The following CBLL1 variants were observed in gnomAD, a reference collection of about 807,000 sequenced individuals.
CBLL1 encodes E3 ubiquitin-protein ligase Hakai.
A neutral mutation model predicts 44.9 loss-of-function variants in CBLL1; 4 were observed. The observed-to-expected ratio is 0.09, with a 90% CI of 0.04 to 0.20. CBLL1 has a LOEUF of 0.20. Ranked by LOEUF, CBLL1 falls within the 10% of genes least tolerant of loss-of-function variation. CBLL1 has a pLI of 1.00. For missense variants in CBLL1, 569 were observed against 636.7 expected, an observed-to-expected ratio of 0.89 and a Z score of 1.14; for synonymous variants, 235 against 202.2, an observed-to-expected ratio of 1.16 and a Z score of -1.38.
chr7:107,758,222 A>G lies in CBLL1; in HGVS notation c.520A>G (p.Arg174Gly). 6.2e-7 allele frequency: 1 copy of G among 1,614,196 alleles called. No homozygotes were observed. Among genetic ancestry groups the G allele is most frequent in the Non-Finnish European group, 8.5e-7 (1 of 1,180,014 alleles). Residue 174 changes from arginine to glycine, a missense_variant, in exon 6 of 6, where the codon AGA becomes GGA. Arg to Gly is a moderately radical substitution (Grantham distance 125). This residue lies in a region of CBLL1 where 16 missense variants were observed against 40.2 expected (regional missense o/e 0.40). Coordinates refer to ENST00000440859, the MANE Select transcript of CBLL1 (RefSeq NM_024814.4). The surrounding 1 kb of genome is among the most constrained non-coding windows in gnomAD (Gnocchi z 4.2). ...FMCSIVQGCK[R>G]TYLSQRDLQA... ...GTGTAGCATTGTTCAAGGGTGCAAGAGAACATATTTGTCTCAGAGAGACTT... is the reference window on the plus strand; with the variant it reads ...GTGTAGCATTGTTCAAGGGTGCAAGGGAACATATTTGTCTCAGAGAGACTT...
chr7:107,757,378 A>G (rs1298410511), intron 5 of CBLL1, among the ~76,000 whole-genome samples: 1 of 152,164 alleles, frequency 6.6e-6, no homozygotes, highest in Non-Finnish European at 1.5e-5. Context: ...TACTGAGCCA[A>G]TACCAGATCC....
chr7:107,747,181 C>G (rs1024525344), intron 1 of CBLL1, among the ~76,000 whole-genome samples: 1 of 152,136 alleles, frequency 6.6e-6, no homozygotes, highest in African/African-American at 2.4e-5. Context: ...TGCTGTACCT[C>G]ATGAACTTGA....
intron 1 of CBLL1, among the ~76,000 whole-genome samples, chr7:107,747,397 A>G (rs531591370): frequency 6.6e-6 from 1 of 152,354 alleles, no homozygotes; most frequent in East Asian, 1.9e-4. Flanking sequence ...AACTGATTAT[A>G]TGTCTACAAC....
At chr7:107,753,047 G>T (rs190876349) in intron 2 of CBLL1, among the ~76,000 whole-genome samples, 2 of 152,118 alleles carry the variant, frequency 1.3e-5, no homozygotes, top group African/African-American at 4.8e-5. Flanking sequence ...AAAAATTTGT[G>T]CAACAAGCAT....
intron 5 of CBLL1, among the ~76,000 whole-genome samples, chr7:107,755,930 A>G (rs1012895500): frequency 6.6e-6 from 1 of 152,090 alleles, no homozygotes; most frequent in African/African-American, 2.4e-5. Flanking sequence ...TATTTTTAGG[A>G]TTAAATGAGG....
chr7:107,752,214 AAAG>A (rs1354150280), intron 2 of CBLL1, among the ~76,000 whole-genome samples: 5 of 151,866 alleles, frequency 3.3e-5, no homozygotes, highest in African/African-American at 1.2e-4. Flanking sequence ...AAAAAAAAAA[AAAG>A]AAAAATTAAT....
In CBLL1 at chr7:107,758,346, A is replaced by G; in HGVS notation, c.644A>G (p.Glu215Gly). ...VHPPIAPPPT[E>G]IPERFIMPPD... ...CCTCCTATTGCCCCACCACCAACTGAAATCCCTGAGCGTTTTATAATGCCA... is the reference window on the plus strand; with the variant it reads ...CCTCCTATTGCCCCACCACCAACTGGAATCCCTGAGCGTTTTATAATGCCA... Residue 215 changes from glutamate (E) to glycine (G), a missense_variant, in exon 6 of 6, where the codon GAA (glutamate) becomes GGA (glycine). This residue lies in a region of CBLL1 where 111 missense variants were observed against 113.0 expected (regional missense o/e 0.98). Transcript: ENST00000440859. This position sits in a 1 kb window ranked among gnomAD's most constrained non-coding sequence, Gnocchi z 4.2. 6.2e-7 allele frequency: 1 copy of G among 1,614,026 alleles called. No individual in the cohort carries two copies. The highest frequency in any genetic ancestry group is 8.5e-7 in the Non-Finnish European group (1 of 1,179,996).
At chr7:107,754,796 A>C (rs931507431) in intron 4 of CBLL1, among the ~76,000 whole-genome samples, 1 of 152,156 alleles carries the variant, frequency 6.6e-6, no homozygotes, top group Non-Finnish European at 1.5e-5. Flanking sequence ...TTAAAAAAAA[A>C]ACACACATAA....
chr7:107,750,567 G>A (rs1177957084), intron 2 of CBLL1, among the ~76,000 whole-genome samples: 1 of 152,132 alleles, frequency 6.6e-6, no homozygotes. Flanking sequence ...GCCTCCCAAA[G>A]TGCTGGGATT....
chr7:107,754,886 A>G (rs1211505634), intron 4 of CBLL1, among the ~76,000 whole-genome samples: 1 of 151,946 alleles, frequency 6.6e-6, no homozygotes, highest in African/African-American at 2.4e-5. Context: ...GGGCTTTGGG[A>G]GGCTGAGGTG....
At chr7:107,752,573 C>T (rs1793354170) in intron 2 of CBLL1, 7 of 1,289,604 alleles carry the variant, frequency 5.4e-6, no homozygotes, top group African/African-American at 1.5e-5. Context: ...CGTGAGAAGC[C>T]TGGCTCCTTG....
intron 4 of CBLL1, among the ~76,000 whole-genome samples, chr7:107,754,536 A>G (rs746076755): frequency 2.6e-5 from 4 of 152,188 alleles, no homozygotes; most frequent in Non-Finnish European, 4.4e-5. Context: ...ATTGAATTCA[A>G]TAACATACCT....
chr7:107,758,429 C>A lies in CBLL1; in HGVS notation c.727C>A (p.Pro243Thr). Residue 243 changes from proline to threonine, a missense_variant, in exon 6 of 6, where the codon CCT becomes ACT. Physicochemically the swap from Pro to Thr is conservative, Grantham distance 38 (BLOSUM62 -1). Around this residue, in one of 5 missense-constraint regions of CBLL1, gnomAD observed 111 missense variants for 113.0 expected, o/e 0.98. Coordinates refer to ENST00000440859, the MANE Select transcript of CBLL1 (RefSeq NM_024814.4). The surrounding 1 kb of genome is among the most constrained non-coding windows in gnomAD (Gnocchi z 4.2). Reference protein sequence around the residue: ...PPKQHIMMPPPPLQHVPHEHY... With the variant: ...PPKQHIMMPPTPLQHVPHEHY... Reference sequence around the variant, plus strand: ...AAAGCAGCACATCATGATGCCACCACCTCCTTTGCAACATGTGCCACATGA... The same window carrying A: ...AAAGCAGCACATCATGATGCCACCAACTCCTTTGCAACATGTGCCACATGA... 3.7e-6 allele frequency: 6 copies of A among 1,614,152 alleles called. No individual in the cohort carries two copies. Among genetic ancestry groups the A allele is most frequent in the Non-Finnish European group, 4.2e-6 (5 of 1,180,032 alleles).
At chr7:107,749,687 T>A (rs974960798) in intron 2 of CBLL1, among the ~76,000 whole-genome samples, 1 of 151,804 alleles carries the variant, frequency 6.6e-6, no homozygotes, top group African/African-American at 2.4e-5. Flanking sequence ...TATCCAAATT[T>A]GTAGTTTTAA....
At chr7:107,749,562 T>C (rs1021727651) in intron 2 of CBLL1, among the ~76,000 whole-genome samples, 30 of 151,654 alleles carry the variant, frequency 2.0e-4, no homozygotes, top group Admixed American at 5.9e-4. Context: ...CAGTTTAGTA[T>C]GTATACTTTG....
chr7:107,750,375 G>A (rs370203702), intron 2 of CBLL1, among the ~76,000 whole-genome samples: 1 of 151,254 alleles, frequency 6.6e-6, no homozygotes, highest in Admixed American at 6.6e-5. Flanking sequence ...GCGGGATCTC[G>A]GCTCACTGCA....
At position 107,760,936 on chromosome 7, in the gene CBLL1, A is replaced by G. The variant is rs751697479; in HGVS notation, c.*1758A>G. ...TTAAGTCAGGCAAGTGATTTTCTAC[A>G]TTTAGCAGTTTGAAAGTCCAGTGTT... On this transcript the variant is annotated 3_prime_UTR_variant, in exon 6 of 6. Transcript: ENST00000440859. The G allele has an allele frequency of 6.6e-6, 1 of 152,186 alleles. No homozygotes were observed. Among genetic ancestry groups the G allele is most frequent in the Non-Finnish European group, 1.5e-5 (1 of 67,912 alleles). The allele number at this position is 152,186 out of a possible 1,614,324, so 9.4% of individuals were successfully genotyped here.
chr7:107,749,017 A>G lies in CBLL1; in HGVS notation c.151A>G (p.Met51Val). 6.2e-7 allele frequency: 1 copy of G among 1,614,200 alleles called. No individual in the cohort carries two copies. Among genetic ancestry groups the G allele is most frequent in the Non-Finnish European group, 8.5e-7 (1 of 1,180,018 alleles). ...GCGAACTCAAAGAACTATAAACAGG[A>G]TGCCTGCAAAGGCTCCACCTGGTGA... is the stretch of plus-strand genomic sequence containing the variant. ...APRTQRTINR[M>V]PAKAPPGDEE... Residue 51 changes from methionine (M) to valine (V), a missense_variant, in exon 2 of 6, where the codon ATG becomes GTG. Coordinates refer to ENST00000440859, the MANE Select transcript of CBLL1 (RefSeq NM_024814.4).
intron 3 of CBLL1, 152 bp from the exon 4 acceptor site, chr7:107,753,743 C>G: frequency 1.9e-6 from 1 of 531,478 alleles, no homozygotes; most frequent in Non-Finnish European, 3.2e-6. Flanking sequence ...AATGGTATCA[C>G]AACTAATGGT....
Sources: gnomAD v4.1 joint callset for allele counts (sites outside exome capture counted in the v4.1 genomes callset) on GRCh38, gnomAD v4.1.1 for gene constraint, gnomAD v4.1.1 regional missense constraint, Gnocchi (gnomAD v3.1) non-coding constraint, MANE v1.5 for transcripts, NCBI Gene and HGNC (gene_info 2026-07-23, HGNC 2026-07-21) for gene names.